Variants in DYNC2H1 observed in about 807,000 individuals in gnomAD.
DYNC2H1 encodes cytoplasmic dynein 2 heavy chain 1.
In DYNC2H1, 410 loss-of-function variants were observed where a neutral mutation model predicts 570.0. That is an observed-to-expected ratio of 0.72 (90% confidence interval 0.66 to 0.78). The LOEUF (loss-of-function observed/expected upper bound fraction) is 0.78, where lower values mean the gene tolerates loss of function less well. DYNC2H1 is among the 30% of genes least tolerant of loss of function. The pLI is 0.00. For synonymous variants in DYNC2H1, 1,688 were observed against 1,677.6 expected, an observed-to-expected ratio of 1.01 and a Z score of -0.15; for missense variants, 4,865 against 5,046.4, an observed-to-expected ratio of 0.96 and a Z score of 1.09.
intron 24 of DYNC2H1, 57 bp downstream of exon 24, chr11:103,154,866 T>C (rs1230266205): frequency 1.2e-5 from 15 of 1,247,148 alleles, no homozygotes; most frequent in Middle Eastern, 2.3e-4. Flanking sequence ...TTTCATCTTA[T>C]GTAGTGACTG....
rs114437496 is a variant in DYNC2H1 at position 103,189,193 on chromosome 11, G to T, written c.7293-479G>T. On this transcript the variant is annotated intron_variant, in intron 44 of 88. Coordinates refer to ENST00000375735, the MANE Select transcript of DYNC2H1 (RefSeq NM_001377.3). The surrounding 1 kb of genome is among the most constrained non-coding windows in gnomAD (Gnocchi z 4.3). The stretch of plus-strand genomic sequence containing the variant: ...TTATTTGTATACTTTTGTGCTAATT[G>T]TACTCCATCAATTAAACTTTTTTTT... Among the ~76,000 whole-genome samples, 1,565 of 151,624 alleles carry T rather than the reference G, an allele frequency of 0.01. 27 individuals are homozygous for T. Among genetic ancestry groups the T allele is most frequent in the African/African-American group, 0.036 (1,494 of 41,296 alleles).
In DYNC2H1 at chr11:103,243,577, A is replaced by G. The variant is rs1369901263; in HGVS notation, c.9820-116A>G. On this transcript the variant is annotated intron_variant, in intron 63 of 88. Coordinates refer to ENST00000375735, the MANE Select transcript of DYNC2H1 (RefSeq NM_001377.3). The surrounding 1 kb of genome is among the most constrained non-coding windows in gnomAD (Gnocchi z 4.8). Reference sequence around the variant, plus strand: ...CATGGTTGTATATTTGTGTTCTCCAAAGCTTGAGAGAAAAGATCATTTAGT... The same window carrying G: ...CATGGTTGTATATTTGTGTTCTCCAGAGCTTGAGAGAAAAGATCATTTAGT... 4.7e-6 allele frequency: 4 copies of G among 855,394 alleles called. No individual in the cohort carries two copies. The highest frequency in any genetic ancestry group is 5.6e-5 in the East Asian group (2 of 35,822). The allele number at this position is 855,394 out of a possible 1,614,324, so 53.0% of individuals were successfully genotyped here. A position where few individuals can be genotyped will look rare whatever the true frequency, so the allele number is the denominator to read the frequency against.
chr11:103,200,349 T>A (rs1198985446), intron 50 of DYNC2H1, among the ~76,000 whole-genome samples, 195 bp downstream of exon 50: 10 of 152,182 alleles, frequency 6.6e-5, no homozygotes, highest in African/African-American at 2.4e-4. Context: ...ATTTAAGACA[T>A]ATAAAAATTG....
chr11:103,322,495 G>A (rs902099301), intron 81 of DYNC2H1, among the ~76,000 whole-genome samples: 1 of 151,752 alleles, frequency 6.6e-6, no homozygotes, highest in Non-Finnish European at 1.5e-5. Context: ...TCCCACAAAG[G>A]GTACATTATA....
intron 85 of DYNC2H1, among the ~76,000 whole-genome samples, chr11:103,451,216 A>G (rs1944587027): frequency 6.7e-6 from 1 of 148,238 alleles, no homozygotes; most frequent in South Asian, 2.2e-4. Flanking sequence ...GCTAATTTCT[A>G]ATTATGCTTC....
intron 88 of DYNC2H1, among the ~76,000 whole-genome samples, chr11:103,469,687 A>G (rs1489354034): frequency 6.6e-6 from 1 of 152,166 alleles, no homozygotes; most frequent in Non-Finnish European, 1.5e-5. Flanking sequence ...TTTCCCCCAT[A>G]TCAGCTTCAT....
In DYNC2H1 at chr11:103,326,534, G is replaced by A. The variant is rs1381819706; in HGVS notation, c.12039+2544G>A. Among the ~76,000 whole-genome samples the A allele has an allele frequency of 6.6e-6, 1 of 152,214 alleles. No homozygotes were observed. The highest frequency in any genetic ancestry group is 1.5e-5 in the Non-Finnish European group (1 of 68,036). Reference sequence around the variant, plus strand: ...AGTGTTGGCCGCAGATCTGGGCTCGGTACTCCTGAGCTGCAGACCGCATTC... The same window carrying A: ...AGTGTTGGCCGCAGATCTGGGCTCGATACTCCTGAGCTGCAGACCGCATTC... On this transcript the variant is annotated intron_variant, in intron 82 of 88. Transcript: ENST00000375735. The surrounding 1 kb of genome is among the most constrained non-coding windows in gnomAD (Gnocchi z 6.1).
In DYNC2H1 at chr11:103,472,275, A is replaced by G. The variant is rs1446047025; in HGVS notation, c.12765+3570A>G. Among the ~76,000 whole-genome samples, 3 of 152,172 alleles carry G rather than the reference A, an allele frequency of 2.0e-5. No individual in the cohort carries two copies. ...CACGGTGGCTCACACCTGTAATCCC[A>G]TCACTTTGGGAGGCCAAGGCAGGAG... On this transcript the variant is annotated intron_variant, in intron 88 of 88. Transcript: ENST00000375735. The surrounding 1 kb of genome is among the most constrained non-coding windows in gnomAD (Gnocchi z 4.1).
intron 85 of DYNC2H1, 128 bp from the exon 86 acceptor site, chr11:103,455,058 T>C (rs1304865743): frequency 8.3e-6 from 5 of 603,526 alleles, no homozygotes; most frequent in East Asian, 2.8e-5. Flanking sequence ...AAATGTTATA[T>C]ATATATTTTC....
chr11:103,135,995 G>A (rs779591434), intron 17 of DYNC2H1, 47 bp downstream of exon 17: 4 of 1,420,772 alleles, frequency 2.8e-6, no homozygotes, highest in Non-Finnish European at 3.8e-6. Flanking sequence ...AATTATTTCT[G>A]ATTGATTGAA....
intron 84 of DYNC2H1, among the ~76,000 whole-genome samples, chr11:103,431,557 C>T (rs1422912442): frequency 2.0e-5 from 3 of 152,090 alleles, no homozygotes; most frequent in Admixed American, 6.6e-5. Flanking sequence ...AGTTTTGGAC[C>T]ATGAATTTTA....
At chr11:103,417,362 A>G (rs1014377590) in intron 84 of DYNC2H1, among the ~76,000 whole-genome samples, 9 of 152,048 alleles carry the variant, frequency 5.9e-5, no homozygotes, top group Non-Finnish European at 1.3e-4. Context: ...CAGCCTCCCA[A>G]ATTGCTAGGA....
At chr11:103,192,927 T>C (rs745553296) in intron 47 of DYNC2H1, among the ~76,000 whole-genome samples, 3 of 152,202 alleles carry the variant, frequency 2.0e-5, no homozygotes, top group Non-Finnish European at 4.4e-5. Context: ...TTTCAGAGGA[T>C]AAAGCTAGGC....
intron 80 of DYNC2H1, among the ~76,000 whole-genome samples, chr11:103,317,789 C>G (rs1360903493): frequency 1.3e-5 from 2 of 152,090 alleles, no homozygotes; most frequent in African/African-American, 4.8e-5. Flanking sequence ...AGATTGATTT[C>G]TTACTGCTGA....
At chr11:103,385,499 A>G (rs1262237449) in intron 83 of DYNC2H1, among the ~76,000 whole-genome samples, 3 of 152,104 alleles carry the variant, frequency 2.0e-5, no homozygotes, top group African/African-American at 7.2e-5. Context: ...ATGACTCTTC[A>G]TCTACCATAG....
In DYNC2H1 at chr11:103,256,049, T is replaced by TAA. The variant is rs1865044128; in HGVS notation, c.10327-57_10327-56insAA. 3.4e-6 allele frequency: 5 copies of TAA among 1,450,950 alleles called. No homozygotes were observed. Among genetic ancestry groups the TAA allele is most frequent in the Non-Finnish European group, 4.6e-6 (5 of 1,077,290 alleles). The allele number at this position is 1,450,950 out of a possible 1,614,324, so 89.9% of individuals were successfully genotyped here. Reference sequence around the variant, plus strand: ...TGAATGACAGTTAATATGGGTTTGCTTTAATTGGTTATTTTTATATGTATA... The same window carrying TAA: ...TGAATGACAGTTAATATGGGTTTGCTAATTAATTGGTTATTTTTATATGTATA... On this transcript the variant is annotated intron_variant, in intron 67 of 88. Transcript: ENST00000375735. The surrounding 1 kb of genome is among the most constrained non-coding windows in gnomAD (Gnocchi z 4.0).
At chr11:103,438,994 C>T (rs999870830) in intron 85 of DYNC2H1, among the ~76,000 whole-genome samples, 5 of 151,966 alleles carry the variant, frequency 3.3e-5, no homozygotes, top group Admixed American at 6.6e-5. Flanking sequence ...AAGATAATTC[C>T]GCAAATGTGA....
At chr11:103,285,363 G>C (rs1392333758) in intron 73 of DYNC2H1, among the ~76,000 whole-genome samples, 2 of 151,798 alleles carry the variant, frequency 1.3e-5, no homozygotes, top group Non-Finnish European at 2.9e-5. Flanking sequence ...GGCAGATCAA[G>C]ATGATCAGAC....
rs879391618 is a variant in DYNC2H1 at position 103,270,500 on chromosome 11, G to GAAATAGAGCAATTGTAACAATTGTA, written c.10696-9840_10696-9816dup. Among the ~76,000 whole-genome samples the GAAATAGAGCAATTGTAACAATTGTA allele has an allele frequency of 2.0e-3, 303 of 152,072 alleles. 1 individual carries two copies. Among genetic ancestry groups the GAAATAGAGCAATTGTAACAATTGTA allele is most frequent in the Non-Finnish European group, 3.8e-3 (261 of 67,966 alleles). On this transcript the variant is annotated intron_variant, in intron 70 of 88. Transcript: ENST00000375735. ...AAAATAGAACAATTGTAACAATAGT[G>GAAATAGAGCAATTGTAACAATTGTA]AAATAGAGCAATTGTAACAATTGTA...
Sources: allele counts gnomAD v4.1 joint callset (sites outside exome capture counted in the v4.1 genomes callset), GRCh38; gene constraint gnomAD v4.1.1; non-coding constraint Gnocchi (gnomAD v3.1); transcripts MANE v1.5; gene names NCBI Gene and HGNC (gene_info 2026-07-23, HGNC 2026-07-21).